The following FKBP5 variants were observed in gnomAD, a reference collection of about 807,000 sequenced individuals.
FKBP5 encodes the protein peptidyl-prolyl cis-trans isomerase FKBP5.
Under a neutral mutation model 50.5 loss-of-function variants are expected in FKBP5, and 23 were observed. The ratio of observed to expected loss-of-function variants is 0.46; its 90% CI spans 0.33 to 0.65. The LOEUF is 0.65. FKBP5 is among the 30% of genes least tolerant of loss of function. The pLI is 0.02. For synonymous variants in FKBP5, 176 were observed against 190.6 expected (o/e 0.92, Z 0.63); for missense variants, 411 against 553.1 (o/e 0.74, Z 2.58).
At chr6:35,581,527 TTGC>T in intron 8 of FKBP5, 1 of 943,656 alleles carries the variant, frequency 1.1e-6, no homozygotes, top group East Asian at 1.2e-4. Flanking sequence ...GAGGCAGAGG[TTGC>T]AGTGAGCCAA....
intron 2 of FKBP5, among the ~76,000 whole-genome samples, chr6:35,701,097 A>G (rs1766173937): frequency 6.6e-6 from 1 of 152,192 alleles, no homozygotes; most frequent in African/African-American, 2.4e-5. Flanking sequence ...TTGCATATGA[A>G]AAAAGTATTC....
intron 5 of FKBP5, among the ~76,000 whole-genome samples, chr6:35,610,315 T>C (rs1272491691): frequency 6.6e-6 from 1 of 151,876 alleles, no homozygotes; most frequent in Non-Finnish European, 1.5e-5. Flanking sequence ...ACCTATAATC[T>C]CAGCACTTTG....
At chr6:35,714,872 T>A (rs1766486028) in intron 2 of FKBP5, among the ~76,000 whole-genome samples, 1 of 151,952 alleles carries the variant, frequency 6.6e-6, no homozygotes, top group Non-Finnish European at 1.5e-5. Flanking sequence ...GCGTGGCAGA[T>A]GTCTTACATA....
intron 5 of FKBP5, among the ~76,000 whole-genome samples, chr6:35,614,983 C>T (rs561620252): frequency 3.6e-4 from 54 of 151,934 alleles, no homozygotes; most frequent in Admixed American, 8.5e-4. Context: ...AATAGCTGGG[C>T]GTGGTGGCAG....
chr6:35,725,268 C>T (rs1304538551), intron 1 of FKBP5, among the ~76,000 whole-genome samples: 1 of 152,180 alleles, frequency 6.6e-6, no homozygotes, highest in Non-Finnish European at 1.5e-5. Flanking sequence ...CCCACCTCTG[C>T]CTCTGTTCTC....
chr6:35,666,059 CAGGAGG>C (rs1350027734), intron 1 of FKBP5, among the ~76,000 whole-genome samples: 6 of 152,028 alleles, frequency 3.9e-5, no homozygotes, highest in Admixed American at 3.9e-4. Flanking sequence ...ATGAGTTTAT[CAGGAGG>C]TAAAACCACC....
upstream of FKBP5, among the ~76,000 whole-genome samples, chr6:35,691,587 T>C (rs1400724778): frequency 2.6e-5 from 4 of 152,108 alleles, no homozygotes; most frequent in African/African-American, 9.7e-5. Context: ...TCTTTTTTTT[T>C]CTAGGCCAGA....
chr6:35,681,498 G>T (rs1692676684), intron 1 of FKBP5, among the ~76,000 whole-genome samples: 1 of 152,104 alleles, frequency 6.6e-6, no homozygotes, highest in Admixed American at 6.6e-5. Context: ...GCCTGTTCTT[G>T]TATTTTTCAT....
chr6:35,630,189 AGAGC>A (rs1224220141), intron 3 of FKBP5, among the ~76,000 whole-genome samples: 8 of 151,884 alleles, frequency 5.3e-5, no homozygotes, highest in Non-Finnish European at 1.2e-4. Flanking sequence ...AGAGAGAGAG[AGAGC>A]GAGCGAACAC....
At chr6:35,576,537 G>A (rs550020508) in intron 10 of FKBP5, among the ~76,000 whole-genome samples, 94 of 152,176 alleles carry the variant, frequency 6.2e-4, no homozygotes, top group African/African-American at 2.2e-3. Flanking sequence ...AGCCCAGTGT[G>A]GTAGTGTGCT....
chr6:35,613,187 C>T (rs1349386074), intron 5 of FKBP5, among the ~76,000 whole-genome samples: 1 of 152,116 alleles, frequency 6.6e-6, no homozygotes, highest in Admixed American at 6.6e-5. Context: ...CACTCTATAG[C>T]CGGCTTTAGT....
At chr6:35,703,801 T>C (rs1030835295) in intron 2 of FKBP5, among the ~76,000 whole-genome samples, 2 of 152,198 alleles carry the variant, frequency 1.3e-5, no homozygotes, top group African/African-American at 2.4e-5. Context: ...AGCAGGAGGC[T>C]TGGTGGTCAC....
intron 1 of FKBP5, among the ~76,000 whole-genome samples, chr6:35,683,827 G>A (rs971954648): frequency 6.6e-5 from 10 of 151,758 alleles, no homozygotes; most frequent in Non-Finnish European, 8.8e-5. Flanking sequence ...CGAGGCAGGC[G>A]GATCACCTAA....
At chr6:35,688,643 G>A (rs1765908403) in intron 1 of FKBP5, 161 bp downstream of exon 1, 1 of 150,684 alleles carries the variant, frequency 6.6e-6, no homozygotes, top group Non-Finnish European at 1.5e-5. Context: ...CGAGGCTTCC[G>A]GACCCCGCTC....
intron 3 of FKBP5, among the ~76,000 whole-genome samples, chr6:35,628,051 GT>G (rs1764052970): frequency 6.6e-6 from 1 of 151,568 alleles, no homozygotes; most frequent in South Asian, 2.1e-4. Flanking sequence ...GGCATTACAG[GT>G]GTGAGCCACT....
chr6:35,582,350 C>T, intron 8 of FKBP5: 2 of 935,446 alleles, frequency 2.1e-6, no homozygotes, highest in Non-Finnish European at 2.5e-6. Context: ...GAAGCCCTCA[C>T]CCCGAATGTG....
At chr6:35,585,118 A>G in intron 8 of FKBP5, 1 of 983,978 alleles carries the variant, frequency 1.0e-6, no homozygotes, top group Non-Finnish European at 1.2e-6. Flanking sequence ...CTGAATCGAT[A>G]TAATTCTAGT....
At chr6:35,674,959 C>T (rs1330299875) in intron 1 of FKBP5, among the ~76,000 whole-genome samples, 1 of 152,192 alleles carries the variant, frequency 6.6e-6, no homozygotes, top group African/African-American at 2.4e-5. Flanking sequence ...ATGTCCTGTT[C>T]ATTTTGTTAA....
intron 9 of FKBP5, 135 bp from the exon 10 acceptor site, chr6:35,577,368 C>A: frequency 1.4e-6 from 1 of 703,860 alleles, no homozygotes; most frequent in Non-Finnish European, 2.3e-6. Flanking sequence ...TTACATACTA[C>A]TGATCAAAAT....
Sources: allele counts gnomAD v4.1 joint callset (sites outside exome capture counted in the v4.1 genomes callset), GRCh38; gene constraint gnomAD v4.1.1; transcripts MANE v1.5; gene names NCBI Gene and HGNC (gene_info 2026-07-23, HGNC 2026-07-21).